The following PDSS2 variants were observed in gnomAD, a reference collection of about 807,000 sequenced individuals.
PDSS2 encodes all trans-polyprenyl-diphosphate synthase PDSS2.
In PDSS2, 31 loss-of-function variants were observed where a neutral mutation model predicts 44.5. The ratio of observed to expected loss-of-function variants is 0.70; its 90% CI spans 0.52 to 0.94. The LOEUF (loss-of-function observed/expected upper bound fraction) is 0.94. Ranked by LOEUF, PDSS2 falls within the 40% of genes least tolerant of loss-of-function variation. The pLI is 0.00. For missense variants in PDSS2, 452 were observed against 482.2 expected, an observed-to-expected ratio of 0.94 and a Z score of 0.59; for synonymous variants, 157 against 180.3, an observed-to-expected ratio of 0.87 and a Z score of 1.03.
In PDSS2 at chr6:107,154,747, C is replaced by CTTTG; in HGVS notation, c.1071_1072insCAAA (p.Val358GlnfsTer7). 1 of 1,614,212 alleles carries CTTTG rather than the reference C, an allele frequency of 6.2e-7. No homozygotes were observed. Among genetic ancestry groups the CTTTG allele is most frequent in the South Asian group, 1.1e-5 (1 of 91,090 alleles). On this transcript the variant is annotated frameshift_variant, in exon 8 of 8. Coordinates refer to ENST00000369037, the MANE Select transcript of PDSS2 (RefSeq NM_020381.4). LOFTEE classifies it high-confidence loss of function. ...CGACACAGGTCAATAGCTGAAGTCACACCTTTGCCAGCTTTGATTCTTTCT... is the reference window on the plus strand; with the variant it reads ...CGACACAGGTCAATAGCTGAAGTCACTTTGACCTTTGCCAGCTTTGATTCTTTCT...
intron 1 of PDSS2, among the ~76,000 whole-genome samples, chr6:107,422,785 T>A (rs1780866969): frequency 6.6e-6 from 1 of 152,074 alleles, no homozygotes; most frequent in Admixed American, 6.5e-5. Context: ...TAATTAAGAC[T>A]AGGGTAACTT....
At chr6:107,179,893 GC>G (rs1771912861) in intron 7 of PDSS2, among the ~76,000 whole-genome samples, 1 of 152,232 alleles carries the variant, frequency 6.6e-6, no homozygotes, top group Admixed American at 6.5e-5. Context: ...CTTTCTGATG[GC>G]TCAAACAGCT....
At chr6:107,349,181 C>G (rs1437562758) in intron 1 of PDSS2, among the ~76,000 whole-genome samples, 1 of 152,194 alleles carries the variant, frequency 6.6e-6, no homozygotes, top group Non-Finnish European at 1.5e-5. Flanking sequence ...GCCTGTAATT[C>G]CAGCGCTTTG....
At chr6:107,170,895 G>A (rs1771550787) in intron 7 of PDSS2, among the ~76,000 whole-genome samples, 2 of 151,990 alleles carry the variant, frequency 1.3e-5, no homozygotes, top group African/African-American at 2.4e-5. Flanking sequence ...TTACAGGCAT[G>A]AGCCACTGCA....
chr6:107,431,961 A>G (rs915621466), intron 1 of PDSS2, among the ~76,000 whole-genome samples: 4 of 152,188 alleles, frequency 2.6e-5, no homozygotes, highest in African/African-American at 9.6e-5. Context: ...AGGCTCACAA[A>G]TCTATTTTCT....
intron 2 of PDSS2, among the ~76,000 whole-genome samples, chr6:107,281,118 C>T (rs1000690581): frequency 1.3e-5 from 2 of 152,128 alleles, no homozygotes; most frequent in African/African-American, 4.8e-5. Context: ...ACCCATGTTC[C>T]CTGACTGGAA....
At position 107,305,884 on chromosome 6, in the gene PDSS2, C is replaced by T. The variant is rs563879910; in HGVS notation, c.431+28314G>A. 3.9e-5 allele frequency among the ~76,000 whole-genome samples: 6 copies of T among 152,252 alleles called. No individual in the cohort carries two copies. The East Asian group carries it at 1.2e-3, about 29-fold the overall frequency. On this transcript the variant is annotated intron_variant, in intron 2 of 7. Coordinates refer to ENST00000369037, the MANE Select transcript of PDSS2 (RefSeq NM_020381.4). ...ACAGTCTAGTGCGGAGGGGCCTTAA[C>T]ATTATATTTAGACCTTCCTAAGCTA...
chr6:107,326,226 C>A (rs1022073801), intron 2 of PDSS2, among the ~76,000 whole-genome samples: 6 of 151,928 alleles, frequency 3.9e-5, no homozygotes, highest in Admixed American at 3.3e-4. Context: ...CCTCAGCCTC[C>A]CGAGTAGCTG....
intron 4 of PDSS2, among the ~76,000 whole-genome samples, chr6:107,239,895 G>C (rs1395440962): frequency 6.6e-6 from 1 of 151,900 alleles, no homozygotes; most frequent in African/African-American, 2.4e-5. Context: ...GCCCACCTCA[G>C]CCTCCCAAAG....
At chr6:107,323,192 T>C (rs1266386833) in intron 2 of PDSS2, among the ~76,000 whole-genome samples, 3 of 152,204 alleles carry the variant, frequency 2.0e-5, no homozygotes, top group Admixed American at 2.0e-4. Context: ...CTCTAGTAGT[T>C]AAGTTCCAGC....
chr6:107,438,969 T>G (rs1433327978), intron 1 of PDSS2, among the ~76,000 whole-genome samples: 1 of 152,176 alleles, frequency 6.6e-6, no homozygotes, highest in Non-Finnish European at 1.5e-5. Context: ...GAAGGACTAT[T>G]ATGGTAAGAG....
At chr6:107,383,389 C>T (rs756295434) in intron 1 of PDSS2, among the ~76,000 whole-genome samples, 8 of 137,668 alleles carry the variant, frequency 5.8e-5, no homozygotes, top group Non-Finnish European at 1.3e-4. Flanking sequence ...CTATTTTCTA[C>T]ATAAAAGTAA....
chr6:107,296,844 G>A (rs76252620), intron 2 of PDSS2, among the ~76,000 whole-genome samples: 2,525 of 152,170 alleles, frequency 0.017, 71 homozygotes, highest in African/African-American at 0.058. Flanking sequence ...TTTTTGCATT[G>A]TTATTGAAGA....
rs73509200 is a variant in PDSS2 at position 107,280,538 on chromosome 6, A to G, written c.432-6311T>C. On this transcript the variant is annotated intron_variant, in intron 2 of 7. Coordinates refer to ENST00000369037, the MANE Select transcript of PDSS2 (RefSeq NM_020381.4). ...AATTTCATCTGCTTTTGATCTGTCC[A>G]TTTTCCTCCAAAGCTTCTCAAATTT... 5.3e-3 allele frequency among the ~76,000 whole-genome samples: 812 copies of G among 152,194 alleles called. 6 individuals carry two copies. Among genetic ancestry groups the G allele is most frequent in the African/African-American group, 0.019 (798 of 41,524 alleles).
At chr6:107,269,889 A>G (rs543956082) in intron 3 of PDSS2, among the ~76,000 whole-genome samples, 1 of 151,812 alleles carries the variant, frequency 6.6e-6, no homozygotes, top group Non-Finnish European at 1.5e-5. Context: ...CTGGTCTCAG[A>G]CTCCTGACCT....
At chr6:107,300,680 C>T (rs1479291739) in intron 2 of PDSS2, among the ~76,000 whole-genome samples, 1 of 152,188 alleles carries the variant, frequency 6.6e-6, no homozygotes, top group Non-Finnish European at 1.5e-5. Flanking sequence ...GGATGGGTAA[C>T]CCCCTTTGGG....
chr6:107,223,870 G>A (rs554704727), intron 4 of PDSS2, among the ~76,000 whole-genome samples: 1 of 150,826 alleles, frequency 6.6e-6, no homozygotes, highest in East Asian at 1.9e-4. Context: ...TCCAGGCCAT[G>A]GACTGGTACT....
chr6:107,366,355 C>T (rs1778959989), intron 1 of PDSS2, among the ~76,000 whole-genome samples: 1 of 151,730 alleles, frequency 6.6e-6, no homozygotes, highest in Non-Finnish European at 1.5e-5. Flanking sequence ...GACAACATAT[C>T]AAAATTTGTA....
chr6:107,435,670 A>G (rs1456398963), intron 1 of PDSS2, among the ~76,000 whole-genome samples: 1 of 152,116 alleles, frequency 6.6e-6, no homozygotes, highest in Non-Finnish European at 1.5e-5. Flanking sequence ...ACAGACAGAA[A>G]TCTCCTGTCA....
Sources: allele counts gnomAD v4.1 joint callset (sites outside exome capture counted in the v4.1 genomes callset), GRCh38; gene constraint gnomAD v4.1.1; transcripts MANE v1.5; gene names NCBI Gene and HGNC (gene_info 2026-07-23, HGNC 2026-07-21).